Variants in TPH2 observed in about 807,000 individuals in gnomAD.
TPH2 encodes the protein tryptophan hydroxylase 2, also known as tryptophan 5-hydroxylase 2.
A neutral mutation model predicts 59.1 loss-of-function variants in TPH2; 27 were observed. The ratio of observed to expected loss-of-function variants is 0.46; its 90% CI spans 0.34 to 0.63. The LOEUF is 0.63. TPH2 is among the 30% of genes least tolerant of loss of function. TPH2 has a pLI of 0.01. For synonymous variants in TPH2, 220 were observed against 210.5 expected, an observed-to-expected ratio of 1.05 and a Z score of -0.39; for missense variants, 523 against 588.3, an observed-to-expected ratio of 0.89 and a Z score of 1.15.
intron 1 of TPH2, 80 bp from the exon 2 acceptor site, chr12:71,941,504 T>C (rs533431651): frequency 2.0e-6 from 3 of 1,523,906 alleles, no homozygotes; most frequent in African/African-American, 1.4e-5. Context: ...ATGAATGACA[T>C]GTATGGGAAA....
In TPH2 at chr12:71,987,621, G is replaced by A. The variant is rs1872470917; in HGVS notation, c.942-6818G>A. On this transcript the variant is annotated intron_variant, in intron 7 of 10. Coordinates refer to ENST00000333850, the MANE Select transcript of TPH2 (RefSeq NM_173353.4). The stretch of plus-strand genomic sequence containing the variant: ...CCTAGCACTTTGGGAGGCTGAGACG[G>A]GCAGATCACCTGAGGTCACGAGTTT... Among the ~76,000 whole-genome samples the A allele has an allele frequency of 2.0e-5, 3 of 152,272 alleles. No individual in the cohort carries two copies. In the South Asian group the frequency reaches 6.2e-4, roughly 32 times the overall value.
chr12:71,947,939 G>A (rs919755864), intron 4 of TPH2, among the ~76,000 whole-genome samples: 13 of 152,214 alleles, frequency 8.5e-5, no homozygotes, highest in Non-Finnish European at 1.8e-4. Context: ...CCGGGGAACA[G>A]ATGCTGTGCT....
chr12:72,000,104 G>A (rs1365335026), intron 8 of TPH2, among the ~76,000 whole-genome samples: 1 of 152,200 alleles, frequency 6.6e-6, no homozygotes, highest in African/African-American at 2.4e-5. Context: ...ACCCATTAAT[G>A]AGGGAGGGAA....
chr12:71,997,221 C>T (rs1872714391), intron 8 of TPH2, among the ~76,000 whole-genome samples: 1 of 152,148 alleles, frequency 6.6e-6, no homozygotes, highest in Non-Finnish European at 1.5e-5. Context: ...CATCACATCT[C>T]TCTCTCTCAC....
At position 71,996,190 on chromosome 12, in the gene TPH2, G is replaced by A. The variant is rs568243785; in HGVS notation, c.1068+1625G>A. ...CATGTGGCTATTGGCAGGAGGCCTCGGTTCCTCACCGTGTGGGCCTCTCCT... is the reference window on the plus strand; with the variant it reads ...CATGTGGCTATTGGCAGGAGGCCTCAGTTCCTCACCGTGTGGGCCTCTCCT... On this transcript the variant is annotated intron_variant, in intron 8 of 10. Transcript: ENST00000333850. Among the ~76,000 whole-genome samples the A allele has an allele frequency of 3.9e-5, 6 of 152,280 alleles. No individual in the cohort carries two copies. The East Asian group carries it at 9.7e-4, about 25-fold the overall frequency.
Position 72,022,440 on chromosome 12 carries a change from A to G in TPH2, c.1110A>G (p.Glu370=). 1 of 1,614,104 alleles carries G rather than the reference A, an allele frequency of 6.2e-7. No individual in the cohort carries two copies. Among genetic ancestry groups the G allele is most frequent in the Non-Finnish European group, 8.5e-7 (1 of 1,179,938 alleles). Residue 370 remains glutamate, a synonymous_variant, in exon 9 of 11, where the codon GAA becomes GAG. Transcript: ENST00000333850. ...TCGAGTTTGGCCTTTGCAAGCAAGAAGGGCAACTGCGGGCATATGGAGCAG... is the reference window on the plus strand; with the variant it reads ...TCGAGTTTGGCCTTTGCAAGCAAGAGGGGCAACTGCGGGCATATGGAGCAG... ...FTIEFGLCKQ[E]GQLRAYGAGL...
At chr12:71,945,280 T>C (rs1871169877) in intron 4 of TPH2, among the ~76,000 whole-genome samples, 1 of 152,152 alleles carries the variant, frequency 6.6e-6, no homozygotes, top group Admixed American at 6.5e-5. Flanking sequence ...AATATGATAC[T>C]TGGGTAAGCA....
intron 8 of TPH2, among the ~76,000 whole-genome samples, chr12:71,995,542 T>C (rs1366457241): frequency 6.6e-6 from 1 of 152,254 alleles, no homozygotes; most frequent in Non-Finnish European, 1.5e-5. Context: ...ACATCTTTTG[T>C]TTCCTACTTT....
chr12:72,013,748 A>T (rs1401492014), intron 8 of TPH2, among the ~76,000 whole-genome samples: 1 of 152,206 alleles, frequency 6.6e-6, no homozygotes, highest in Non-Finnish European at 1.5e-5. Context: ...TGTCATCTCA[A>T]CTAGAGCTTA....
chr12:72,026,658 G>A (rs145037212), intron 9 of TPH2, among the ~76,000 whole-genome samples: 38 of 152,298 alleles, frequency 2.5e-4, no homozygotes, highest in African/African-American at 8.9e-4. Flanking sequence ...AGTTAGTGGT[G>A]TTGGTAATGA....
chr12:72,023,821 GAA>G (rs767208238), intron 9 of TPH2, among the ~76,000 whole-genome samples: 3 of 27,942 alleles, frequency 1.1e-4, no homozygotes, highest in African/African-American at 1.2e-4. Flanking sequence ...GACTCTGACA[GAA>G]AAAAAAAAAA....
intron 5 of TPH2, among the ~76,000 whole-genome samples, chr12:71,963,990 T>C (rs11179012): frequency 0.23 from 11,155 of 49,324 alleles, 4,927 homozygotes; most frequent in East Asian, 0.69. Context: ...CCAGCAAGCC[T>C]GAAAAGCAAA....
chr12:71,939,150 C>A, intron 1 of TPH2, 59 bp downstream of exon 1: 1 of 1,282,396 alleles, frequency 7.8e-7, no homozygotes, highest in Non-Finnish European at 1.1e-6. Context: ...ACCATCTTCT[C>A]CTCACCATAT....
At chr12:72,003,826 T>C (rs561854491) in intron 8 of TPH2, among the ~76,000 whole-genome samples, 3 of 152,348 alleles carry the variant, frequency 2.0e-5, no homozygotes, top group Non-Finnish European at 4.4e-5. Flanking sequence ...AATAGTTATA[T>C]ATTTTTGCAA....
intron 5 of TPH2, chr12:71,964,899 T>C (rs1181087044): frequency 1.1e-5 from 3 of 272,606 alleles, no homozygotes; most frequent in Non-Finnish European, 1.7e-5. Flanking sequence ...TTAAGCCTAG[T>C]ACCCAATAGT....
intron 9 of TPH2, among the ~76,000 whole-genome samples, chr12:72,027,591 CA>C (rs1359637308): frequency 6.6e-6 from 1 of 152,138 alleles, no homozygotes; most frequent in Non-Finnish European, 1.5e-5. Flanking sequence ...TGTTCTTAAC[CA>C]TAAAGACCTG....
rs147362768 is a variant in TPH2, at chr12:72,025,380, CAG to C, written c.1164+2888_1164+2889del. 9.5e-3 allele frequency among the ~76,000 whole-genome samples: 1,442 copies of C among 152,210 alleles called. 26 individuals carry two copies. The highest frequency in any genetic ancestry group is 0.034 in the African/African-American group (1,401 of 41,530). On this transcript the variant is annotated intron_variant, in intron 9 of 10. Transcript: ENST00000333850. ...TCCACAATCATCTTCTCTTCTTAAACAGAACACATTCTATACTTTGTGCTATA... is the reference window on the plus strand; with the variant it reads ...TCCACAATCATCTTCTCTTCTTAAACAACACATTCTATACTTTGTGCTATA...
chr12:72,018,695 T>A (rs925704038), intron 8 of TPH2, among the ~76,000 whole-genome samples: 5 of 152,184 alleles, frequency 3.3e-5, no homozygotes, highest in Admixed American at 6.6e-5. Context: ...GGATTTCGTG[T>A]CAGGTGTTGT....
intron 6 of TPH2, 32 bp from the exon 7 acceptor site, chr12:71,978,920 T>C: frequency 6.2e-7 from 1 of 1,614,100 alleles, no homozygotes. Flanking sequence ...GCTGGGTTAA[T>C]ATTTAGTTGG....
Sources: gnomAD v4.1 joint callset for allele counts (sites outside exome capture counted in the v4.1 genomes callset) on GRCh38, gnomAD v4.1.1 for gene constraint, MANE v1.5 for transcripts, NCBI Gene and HGNC (gene_info 2026-07-23, HGNC 2026-07-21) for gene names.